Variants in CDC42SE2 observed in about 807,000 individuals in gnomAD.
CDC42SE2 encodes the protein CDC42 small effector 2.
CDC42SE2 carries 3 observed loss-of-function variants against 11.5 expected under a neutral mutation model. The observed-to-expected ratio is 0.26, with a 90% CI of 0.12 to 0.67. The LOEUF (loss-of-function observed/expected upper bound fraction) is 0.67. CDC42SE2 is among the 30% of genes least tolerant of loss of function. CDC42SE2 has a pLI of 0.80. For missense variants in CDC42SE2, 82 were observed against 106.8 expected (o/e 0.77, Z 1.02); for synonymous variants, 33 against 34.8 (o/e 0.95, Z 0.18).
At chr5:131,230,958 C>A in the CDC42SE2 span, among the ~76,000 whole-genome samples, 1 of 152,154 alleles carries the variant, frequency 6.6e-6, no homozygotes, top group Non-Finnish European at 1.5e-5. Flanking sequence ...TATAAACATA[C>A]ATACACACAC....
At chr5:131,222,752 G>T in the CDC42SE2 span, among the ~76,000 whole-genome samples, 4 of 152,300 alleles carry the variant, frequency 2.6e-5, no homozygotes, top group African/African-American at 9.6e-5. Context: ...GCATTGGTGT[G>T]GACACAGAAG....
At chr5:131,366,988 C>T (rs1283469223) in intron 3 of CDC42SE2, among the ~76,000 whole-genome samples, 1 of 151,896 alleles carries the variant, frequency 6.6e-6, no homozygotes, top group Non-Finnish European at 1.5e-5. Flanking sequence ...GATCGCATCC[C>T]TGCACTCCAG....
intron 1 of CDC42SE2, among the ~76,000 whole-genome samples, chr5:131,273,638 C>T (rs933153172): frequency 1.3e-5 from 2 of 151,070 alleles, no homozygotes; most frequent in East Asian, 2.0e-4. Flanking sequence ...CCAGGCGTGG[C>T]GGCTGGTGCT....
At chr5:131,221,288 A>T in the CDC42SE2 span, among the ~76,000 whole-genome samples, 1 of 150,626 alleles carries the variant, frequency 6.6e-6, no homozygotes, top group Non-Finnish European at 1.5e-5. Context: ...AAACATTATG[A>T]GATTTTTTTG....
intron 3 of CDC42SE2, among the ~76,000 whole-genome samples, chr5:131,365,313 A>G (rs1264760165): frequency 1.3e-5 from 2 of 151,710 alleles, no homozygotes; most frequent in Non-Finnish European, 2.9e-5. Flanking sequence ...AAAAGAAAAC[A>G]TCAAAGTTAC....
rs550732776 is a variant in CDC42SE2 at position 131,334,534 on chromosome 5, G to T, written c.-286+18390G>T. On this transcript the variant is annotated intron_variant, in intron 2 of 4. Transcript: ENST00000505065. ...TCTATTGATTGGAATAGTTTCAGAA[G>T]GAATGGTAACAGTTCCTCCTTGTAC... Among the ~76,000 whole-genome samples the T allele has an allele frequency of 6.6e-5, 10 of 152,278 alleles. No homozygotes were observed. The South Asian group carries it at 1.9e-3, about 28-fold the overall frequency.
chr5:131,275,189 AAAAC>A (rs375264751), intron 1 of CDC42SE2, among the ~76,000 whole-genome samples: 6 of 152,340 alleles, frequency 3.9e-5, no homozygotes, highest in African/African-American at 1.4e-4. Flanking sequence ...GCACCTTAAA[AAAAC>A]CTATTTTGGG....
intron 2 of CDC42SE2, among the ~76,000 whole-genome samples, chr5:131,320,454 A>G (rs969844267): frequency 6.7e-6 from 1 of 150,062 alleles, no homozygotes; most frequent in Non-Finnish European, 1.5e-5. Flanking sequence ...TTAAAAATGT[A>G]TTCTGGCCGG....
intron 2 of CDC42SE2, among the ~76,000 whole-genome samples, chr5:131,344,219 A>G (rs1758781062): frequency 6.6e-6 from 1 of 152,174 alleles, no homozygotes; most frequent in East Asian, 1.9e-4. Flanking sequence ...TCACCTGGGA[A>G]GCGCAGGGGA....
the CDC42SE2 span, among the ~76,000 whole-genome samples, chr5:131,214,697 T>C: frequency 6.6e-6 from 1 of 152,124 alleles, no homozygotes; most frequent in Non-Finnish European, 1.5e-5. Flanking sequence ...GGAGCTGAAA[T>C]AGCCTTCAGA....
At chr5:131,241,266 T>A (rs1397195622), upstream of CDC42SE2, among the ~76,000 whole-genome samples, 1 of 150,322 alleles carries the variant, frequency 6.7e-6, no homozygotes, top group Non-Finnish European at 1.5e-5. Flanking sequence ...CCAGCGGTTT[T>A]ATGTTTTTTT....
At chr5:131,286,091 G>A (rs1378841390) in intron 1 of CDC42SE2, among the ~76,000 whole-genome samples, 1 of 141,812 alleles carries the variant, frequency 7.1e-6, no homozygotes, top group Non-Finnish European at 1.5e-5. Context: ...GTCTCACTGT[G>A]TCACCCATGC....
At position 131,257,657 on chromosome 5, in the gene CDC42SE2, T is replaced by C. The variant is rs566930861; in HGVS notation, n.242+2428T>C. 1.1e-4 allele frequency among the ~76,000 whole-genome samples: 16 copies of C among 152,016 alleles called. No individual in the cohort carries two copies. The East Asian group carries it at 1.2e-3, about 11-fold the overall frequency. ...CATGCCTGGCTAATTTTTTGTATTT[T>C]AGTAGAGATGAGTTTTCACCATGTT... On this transcript the variant is annotated intron_variant and non_coding_transcript_variant, in intron 2 of 3. Coordinates refer to the CDC42SE2 transcript ENST00000502840.
chr5:131,343,087 CTG>C (rs1758751230), intron 2 of CDC42SE2, among the ~76,000 whole-genome samples: 1 of 151,808 alleles, frequency 6.6e-6, no homozygotes, highest in Admixed American at 6.6e-5. Context: ...ATTCAGAAAA[CTG>C]TACGTAGTAG....
At chr5:131,350,368 CTG>C (rs1212626789) in intron 2 of CDC42SE2, among the ~76,000 whole-genome samples, 1 of 151,548 alleles carries the variant, frequency 6.6e-6, no homozygotes, top group Non-Finnish European at 1.5e-5. Flanking sequence ...CCTGAGTAAA[CTG>C]TGAAATATTA....
chr5:131,346,175 G>T (rs564314216), intron 2 of CDC42SE2, among the ~76,000 whole-genome samples: 1 of 152,118 alleles, frequency 6.6e-6, no homozygotes, highest in Non-Finnish European at 1.5e-5. Context: ...ATGTAAATGG[G>T]CTAAATGTTC....
chr5:131,270,198 C>A (rs1756963965), intron 1 of CDC42SE2, among the ~76,000 whole-genome samples: 1 of 151,928 alleles, frequency 6.6e-6, no homozygotes, highest in African/African-American at 2.4e-5. Context: ...CACGGTGAAA[C>A]CCCATCTCTA....
chr5:131,362,006 G>A (rs1260331672), intron 3 of CDC42SE2, among the ~76,000 whole-genome samples: 7 of 152,102 alleles, frequency 4.6e-5, no homozygotes, highest in Admixed American at 4.6e-4. Context: ...GGCCCAGGAT[G>A]GGGGCACGGC....
intron 1 of CDC42SE2, among the ~76,000 whole-genome samples, chr5:131,269,847 G>C (rs896640294): frequency 1.3e-5 from 2 of 151,454 alleles, no homozygotes; most frequent in African/African-American, 4.9e-5. Context: ...GATCATCTGA[G>C]TTCGGGAATT....
Sources: gnomAD v4.1 joint callset for allele counts (sites outside exome capture counted in the v4.1 genomes callset) on GRCh38, gnomAD v4.1.1 for gene constraint, MANE v1.5 for transcripts, NCBI Gene and HGNC (gene_info 2026-07-23, HGNC 2026-07-21) for gene names.